Variants in STPG2 observed in about 807,000 individuals in gnomAD.
The protein encoded by STPG2 is sperm-tail PG-rich repeat-containing protein 2.
Under a neutral mutation model 54.2 loss-of-function variants are expected in STPG2, and 56 were observed. The ratio of observed to expected loss-of-function variants is 1.03; its 90% CI spans 0.83 to 1.29. The LOEUF is 1.29. Ranked by LOEUF, STPG2 falls within the 50% of genes most tolerant of loss-of-function variation. STPG2 has a pLI of 0.00. For synonymous variants in STPG2, 200 were observed against 181.8 expected, an observed-to-expected ratio of 1.10 and a Z score of -0.81; for missense variants, 596 against 544.9, an observed-to-expected ratio of 1.09 and a Z score of -0.93.
At chr4:97,981,344 A>T in intron 5 of STPG2, 26 bp from the exon 6 acceptor site, 1 of 1,611,984 alleles carries the variant, frequency 6.2e-7, no homozygotes, top group Non-Finnish European at 8.5e-7. Flanking sequence ...AAAATATGCC[A>T]ATAAGAAAGT....
intron 5 of STPG2, among the ~76,000 whole-genome samples, chr4:98,077,486 T>C (rs992456048): frequency 6.6e-6 from 1 of 152,166 alleles, no homozygotes; most frequent in African/African-American, 2.4e-5. Context: ...TCCGCCTGCC[T>C]TGGCCTCCCA....
intron 10 of STPG2, among the ~76,000 whole-genome samples, chr4:97,635,839 G>A (rs796197613): frequency 0.068 from 10,131 of 149,908 alleles, 1,005 homozygotes; most frequent in African/African-American, 0.22. Context: ...AGATTCATAC[G>A]GCAAGTCCTG....
chr4:97,913,064 G>T (rs761180024), intron 8 of STPG2, among the ~76,000 whole-genome samples: 5 of 152,120 alleles, frequency 3.3e-5, no homozygotes, highest in Non-Finnish European at 7.4e-5. Context: ...AACATAATAG[G>T]TATTTTATAA....
intron 7 of STPG2, among the ~76,000 whole-genome samples, chr4:97,968,965 A>C (rs1190808715): frequency 6.6e-6 from 1 of 152,166 alleles, no homozygotes; most frequent in African/African-American, 2.4e-5. Flanking sequence ...CCAAAAAAGC[A>C]AAGGTTCATA....
chr4:97,737,908 G>A (rs1294321258), intron 9 of STPG2, among the ~76,000 whole-genome samples: 12 of 152,104 alleles, frequency 7.9e-5, no homozygotes, highest in African/African-American at 2.7e-4. Context: ...ACACAAAATT[G>A]CCAGATTCAC....
At chr4:97,561,099 C>T (rs548350561) in intron 10 of STPG2, among the ~76,000 whole-genome samples, 49 of 152,124 alleles carry the variant, frequency 3.2e-4, no homozygotes, top group African/African-American at 1.1e-3. Flanking sequence ...TCTCCACATC[C>T]TCTCCAGCAC....
At chr4:97,500,206 CAA>C (rs1320552562) in intron 4 of STPG2, among the ~76,000 whole-genome samples, 1 of 151,864 alleles carries the variant, frequency 6.6e-6, no homozygotes, top group Non-Finnish European at 1.5e-5. Context: ...GAAAGTAGAG[CAA>C]ATAGGATTTT....
intron 7 of STPG2, among the ~76,000 whole-genome samples, chr4:97,971,607 T>C (rs1437129392): frequency 6.6e-6 from 1 of 151,976 alleles, no homozygotes; most frequent in Non-Finnish European, 1.5e-5. Context: ...ATGAGAACAC[T>C]TGGACACAGG....
intron 7 of STPG2, among the ~76,000 whole-genome samples, chr4:97,963,333 A>C (rs894575171): frequency 2.6e-5 from 4 of 152,082 alleles, no homozygotes; most frequent in Non-Finnish European, 4.4e-5. Context: ...CACTTAAAAT[A>C]GTTAATAAAT....
At position 98,106,016 on chromosome 4, in the gene STPG2, T is replaced by C. The variant is rs374688206; in HGVS notation, c.549A>G (p.Gln183=). The change falls in exon 5 of 11, where the codon CAA becomes CAG. Residue 183 remains glutamine (Q), a synonymous_variant. Transcript: ENST00000295268. ...GTGGGATAAATGAACAATAATTTTG[T>C]TGTTGATCTCTCTTGATGTTAACAT... ...YENVNIKRDQ[Q]QNYCSFIPRL... 5 of 1,547,630 alleles carry C rather than the reference T, an allele frequency of 3.2e-6. No individual in the cohort carries two copies.
At chr4:97,667,364 C>CT (rs1722560945) in intron 10 of STPG2, among the ~76,000 whole-genome samples, 1 of 152,080 alleles carries the variant, frequency 6.6e-6, no homozygotes, top group Admixed American at 6.6e-5. Context: ...CAATTGCTAA[C>CT]TTTTTTGTAT....
chr4:97,501,288 A>C (rs1294865635), intron 4 of STPG2, among the ~76,000 whole-genome samples: 1 of 152,096 alleles, frequency 6.6e-6, no homozygotes, highest in East Asian at 1.9e-4. Context: ...CAGATACAAG[A>C]TCTGAGCCAA....
At chr4:97,822,041 C>T (rs1228905363) in intron 9 of STPG2, among the ~76,000 whole-genome samples, 1 of 152,198 alleles carries the variant, frequency 6.6e-6, no homozygotes, top group Non-Finnish European at 1.5e-5. Flanking sequence ...TTTTCTTTCT[C>T]TGCTACATGG....
chr4:97,779,899 C>T (rs1490705785), intron 9 of STPG2, among the ~76,000 whole-genome samples: 1 of 152,038 alleles, frequency 6.6e-6, no homozygotes, highest in African/African-American at 2.4e-5. Context: ...TCTGTCACCA[C>T]CAGGCCTGCC....
chr4:97,471,666 A>G (rs1008302107), intron 4 of STPG2, among the ~76,000 whole-genome samples: 1 of 152,168 alleles, frequency 6.6e-6, no homozygotes, highest in African/African-American at 2.4e-5. Context: ...AACAGCTGCA[A>G]TTGTGTGTTC....
intron 4 of STPG2, among the ~76,000 whole-genome samples, chr4:97,452,247 C>T (rs1474614824): frequency 1.3e-5 from 2 of 152,010 alleles, no homozygotes; most frequent in South Asian, 2.1e-4. Flanking sequence ...CTCAGAAACG[C>T]CTGCTCCTGC....
chr4:97,868,107 A>T (rs1046468193), intron 8 of STPG2, among the ~76,000 whole-genome samples: 5 of 151,928 alleles, frequency 3.3e-5, no homozygotes, highest in Non-Finnish European at 5.9e-5. Context: ...CTTAAGGTCT[A>T]CTTGATTTGT....
At chr4:98,028,530 G>A (rs2149297955) in intron 5 of STPG2, among the ~76,000 whole-genome samples, 2 of 152,180 alleles carry the variant, frequency 1.3e-5, no homozygotes, top group Middle Eastern at 6.8e-3. Flanking sequence ...TCCTTCACTA[G>A]CAGTAAGTAT....
At chr4:97,738,025 C>T (rs572404910) in intron 9 of STPG2, among the ~76,000 whole-genome samples, 2 of 152,306 alleles carry the variant, frequency 1.3e-5, no homozygotes, top group South Asian at 4.1e-4. Flanking sequence ...GGCAGAAACT[C>T]TACAAGCCAG....
Sources: gnomAD v4.1 joint callset for allele counts (sites outside exome capture counted in the v4.1 genomes callset) on GRCh38, gnomAD v4.1.1 for gene constraint, MANE v1.5 for transcripts, NCBI Gene and HGNC (gene_info 2026-07-23, HGNC 2026-07-21) for gene names.